The following AGAP1 variants were observed in gnomAD, a reference collection of about 807,000 sequenced individuals.
The protein encoded by AGAP1 is ArfGAP with GTPase domain, ankyrin repeat and PH domain 1.
A neutral mutation model predicts 105.3 loss-of-function variants in AGAP1; 29 were observed. That is an observed-to-expected ratio of 0.28 (90% CI 0.21 to 0.38). The LOEUF (loss-of-function observed/expected upper bound fraction) is 0.38, where lower values mean the gene tolerates loss of function less well. Among genes scored for constraint, AGAP1 ranks in the 10% least tolerant of loss-of-function variants. The probability of loss-of-function intolerance (pLI) is 1.00; values close to 1 mark genes in which losing one functional copy is unlikely to be tolerated. For synonymous variants in AGAP1, 509 were observed against 485.9 expected (o/e 1.05, Z -0.63); for missense variants, 998 against 1,165.1 (o/e 0.86, Z 2.09).
chr2:235,886,146 T>C (rs2124858076), intron 10 of AGAP1, among the ~76,000 whole-genome samples: 1 of 152,332 alleles, frequency 6.6e-6, no homozygotes, highest in South Asian at 2.1e-4. Flanking sequence ...CCATCAGCAG[T>C]GGCCGGGCTG....
At position 235,600,014 on chromosome 2, in the gene AGAP1, T is replaced by C. The variant is rs1184313023; in HGVS notation, c.163+105165T>C. 6.6e-6 allele frequency among the ~76,000 whole-genome samples: 1 copy of C among 152,210 alleles called. No homozygotes were observed. The highest frequency in any genetic ancestry group is 1.9e-4 in the East Asian group (1 of 5,202). On this transcript the variant is annotated intron_variant, in intron 1 of 17. Coordinates refer to ENST00000304032, the MANE Select transcript of AGAP1 (RefSeq NM_001037131.3). The surrounding 1 kb of genome is among the most constrained non-coding windows in gnomAD (Gnocchi z 4.8). The stretch of plus-strand genomic sequence containing the variant: ...ACTTTAAAGATGAGTAGGTGCAAAC[T>C]GCAGCCACAGTAAACTTCAGGGTGT...
At position 235,622,440 on chromosome 2, in the gene AGAP1, T is replaced by C. The variant is rs1223811828; in HGVS notation, c.164-86739T>C. 6.6e-6 allele frequency among the ~76,000 whole-genome samples: 1 copy of C among 152,156 alleles called. No homozygotes were observed. Among genetic ancestry groups the C allele is most frequent in the African/African-American group, 2.4e-5 (1 of 41,426 alleles). ...CCATCTCACTGGGGTGATGAATGGA[T>C]CTAGACCTGGTGCCTGGACTCAATC... On this transcript the variant is annotated intron_variant, in intron 1 of 17. Coordinates refer to ENST00000304032, the MANE Select transcript of AGAP1 (RefSeq NM_001037131.3). This position sits in a 1 kb window ranked among gnomAD's most constrained non-coding sequence, Gnocchi z 5.0.
chr2:235,957,851 C>T lies in AGAP1; in HGVS notation c.1484-10611C>T, dbSNP rs2054013675. ...TCTTGAGTTCACAGGGGGCTTCAGC[C>T]CTCAACTGATTTCCTCTCCTGGCAC... On this transcript the variant is annotated intron_variant, in intron 12 of 17. Transcript: ENST00000304032. This position sits in a 1 kb window ranked among gnomAD's most constrained non-coding sequence, Gnocchi z 4.6. 6.6e-6 allele frequency among the ~76,000 whole-genome samples: 1 copy of T among 152,116 alleles called. No homozygotes were observed. Among genetic ancestry groups the T allele is most frequent in the African/African-American group, 2.4e-5 (1 of 41,404 alleles).
intron 16 of AGAP1, among the ~76,000 whole-genome samples, chr2:236,111,905 CAGTT>C (rs1024264264): frequency 2.2e-4 from 34 of 152,228 alleles, no homozygotes; most frequent in African/African-American, 6.5e-4. Context: ...TAAACCATCA[CAGTT>C]GGTTGTTGCC....
chr2:235,883,303 T>A lies in AGAP1; in HGVS notation c.1051-42T>A, dbSNP rs2050121482. 1.3e-6 allele frequency: 2 copies of A among 1,579,808 alleles called. No individual in the cohort carries two copies. Among genetic ancestry groups the A allele is most frequent in the Non-Finnish European group, 8.7e-7 (1 of 1,151,970 alleles). On this transcript the variant is annotated intron_variant, in intron 9 of 17. Coordinates refer to ENST00000304032, the MANE Select transcript of AGAP1 (RefSeq NM_001037131.3). This position sits in a 1 kb window ranked among gnomAD's most constrained non-coding sequence, Gnocchi z 4.5. The stretch of plus-strand genomic sequence containing the variant: ...CTGTGTACCTGCCTTTTCTTTTTTT[T>A]ATTTACATTAGAATTTCTATTTGGC...
chr2:235,868,627 A>G (rs1422429466), intron 9 of AGAP1, among the ~76,000 whole-genome samples: 1 of 152,176 alleles, frequency 6.6e-6, no homozygotes, highest in South Asian at 2.1e-4. Flanking sequence ...CCTGGTTAAG[A>G]CCCCCAGTCT....
Position 235,714,712 on chromosome 2 carries a change from G to A in AGAP1, c.223-2845G>A, listed in dbSNP as rs1951012690. 6.6e-6 allele frequency among the ~76,000 whole-genome samples: 1 copy of A among 152,126 alleles called. No homozygotes were observed. The highest frequency in any genetic ancestry group is 2.1e-4 in the South Asian group (1 of 4,822). ...GCCATCACTCAGACAGCAGACCACG[G>A]TGGCCTGTAAATCACTGAGAACCTT... On this transcript the variant is annotated intron_variant, in intron 2 of 17. Transcript: ENST00000304032. This position sits in a 1 kb window ranked among gnomAD's most constrained non-coding sequence, Gnocchi z 4.1.
rs570938201 is a variant in AGAP1, at chr2:235,908,323, G to A, written c.1156-415G>A. On this transcript the variant is annotated intron_variant, in intron 10 of 17. Coordinates refer to ENST00000304032, the MANE Select transcript of AGAP1 (RefSeq NM_001037131.3). The surrounding 1 kb of genome is among the most constrained non-coding windows in gnomAD (Gnocchi z 4.4). Reference sequence around the variant, plus strand: ...GCTTCAGTCTTATCTAGATTTTAATGATATTCCCATCTGAGACAGAAAGGT... The same window carrying A: ...GCTTCAGTCTTATCTAGATTTTAATAATATTCCCATCTGAGACAGAAAGGT... Among the ~76,000 whole-genome samples the A allele has an allele frequency of 6.6e-6, 1 of 152,280 alleles. No homozygotes were observed. Among genetic ancestry groups the A allele is most frequent in the African/African-American group, 2.4e-5 (1 of 41,550 alleles).
In AGAP1 at chr2:235,744,673, T is replaced by A; in HGVS notation, c.397-25T>A. On this transcript the variant is annotated intron_variant, in intron 4 of 17. Coordinates refer to ENST00000304032, the MANE Select transcript of AGAP1 (RefSeq NM_001037131.3). The surrounding 1 kb of genome is among the most constrained non-coding windows in gnomAD (Gnocchi z 5.2). ...TCAAGCCTGCTCACTCAGCTCCTGC[T>A]CTCCTCCCCTTCTTCTCTCCCTAGT... 6.2e-7 allele frequency: 1 copy of A among 1,613,816 alleles called. No individual in the cohort carries two copies. The highest frequency in any genetic ancestry group is 8.5e-7 in the Non-Finnish European group (1 of 1,179,882).
intron 16 of AGAP1, among the ~76,000 whole-genome samples, chr2:236,108,128 G>T (rs533839661): frequency 6.6e-6 from 1 of 152,158 alleles, no homozygotes; most frequent in Non-Finnish European, 1.5e-5. Context: ...GCTGTGCTCC[G>T]TCCCTCCGCC....
intron 1 of AGAP1, among the ~76,000 whole-genome samples, chr2:235,547,401 C>CAGAGCG (rs1943661287): frequency 6.6e-6 from 1 of 150,906 alleles, no homozygotes; most frequent in Non-Finnish European, 1.5e-5. Flanking sequence ...CTCTGTCACC[C>CAGAGCG]AGACTGGAGT....
At chr2:235,834,686 G>T (rs1959908253) in intron 9 of AGAP1, among the ~76,000 whole-genome samples, 1 of 152,224 alleles carries the variant, frequency 6.6e-6, no homozygotes, top group African/African-American at 2.4e-5. Context: ...TCCCTGCGAG[G>T]TCCCCGTGAG....
At position 236,027,106 on chromosome 2, in the gene AGAP1, G is replaced by C. The variant is rs1253582840; in HGVS notation, c.1646-9455G>C. 6.6e-6 allele frequency among the ~76,000 whole-genome samples: 1 copy of C among 152,120 alleles called. No homozygotes were observed. The highest frequency in any genetic ancestry group is 2.4e-5 in the African/African-American group (1 of 41,426). ...TTATGGATAAACAGATTTCTTCCTGGAAGTTGTAACATGACTATGCAGTTG... is the reference window on the plus strand; with the variant it reads ...TTATGGATAAACAGATTTCTTCCTGCAAGTTGTAACATGACTATGCAGTTG... On this transcript the variant is annotated intron_variant, in intron 13 of 17. Transcript: ENST00000304032. This position sits in a 1 kb window ranked among gnomAD's most constrained non-coding sequence, Gnocchi z 4.4.
At position 235,599,080 on chromosome 2, in the gene AGAP1, C is replaced by T. The variant is rs1190514378; in HGVS notation, c.163+104231C>T. Among the ~76,000 whole-genome samples, 1 of 152,142 alleles carries T rather than the reference C, an allele frequency of 6.6e-6. No individual in the cohort carries two copies. Among genetic ancestry groups the T allele is most frequent in the Non-Finnish European group, 1.5e-5 (1 of 68,034 alleles). ...AGGAATGTATTTATTTACTCGCATGCCTTCAGATGCTTGCAGTAAGTCCAT... is the reference window on the plus strand; with the variant it reads ...AGGAATGTATTTATTTACTCGCATGTCTTCAGATGCTTGCAGTAAGTCCAT... On this transcript the variant is annotated intron_variant, in intron 1 of 17. Transcript: ENST00000304032. This position sits in a 1 kb window ranked among gnomAD's most constrained non-coding sequence, Gnocchi z 5.3.
chr2:235,940,639 A>G (rs2053217739), intron 12 of AGAP1, among the ~76,000 whole-genome samples: 1 of 152,176 alleles, frequency 6.6e-6, no homozygotes, highest in African/African-American at 2.4e-5. Context: ...CTCAGCATGT[A>G]TTGTGGCCTG....
rs2058551105 is a variant in AGAP1 at position 236,073,202 on chromosome 2, GGC to G, written c.2114+23922_2114+23923del. Among the ~76,000 whole-genome samples, 1 of 151,954 alleles carries G rather than the reference GGC, an allele frequency of 6.6e-6. No individual in the cohort carries two copies. The highest frequency in any genetic ancestry group is 2.1e-4 in the South Asian group (1 of 4,812). On this transcript the variant is annotated intron_variant, in intron 16 of 17. Transcript: ENST00000304032. This position sits in a 1 kb window ranked among gnomAD's most constrained non-coding sequence, Gnocchi z 5.4. ...AGTAGAGACGGGGTTTCTCCATATT[GGC>G]CAGGCTGGTCTCGAACTCCTGACCT...
rs1952273528 is a variant in AGAP1, at chr2:235,736,680, C to T, written c.311-4283C>T. On this transcript the variant is annotated intron_variant, in intron 3 of 17. Coordinates refer to ENST00000304032, the MANE Select transcript of AGAP1 (RefSeq NM_001037131.3). This position sits in a 1 kb window ranked among gnomAD's most constrained non-coding sequence, Gnocchi z 5.5. ...GACCAGCCTGGGCAACACAATGAGGCCCCATCTCATCTATCCAGGTGTGGC... is the reference window on the plus strand; with the variant it reads ...GACCAGCCTGGGCAACACAATGAGGTCCCATCTCATCTATCCAGGTGTGGC... Among the ~76,000 whole-genome samples, 1 of 152,052 alleles carries T rather than the reference C, an allele frequency of 6.6e-6. No individual in the cohort carries two copies. The highest frequency in any genetic ancestry group is 2.4e-5 in the African/African-American group (1 of 41,412).
Position 235,751,279 on chromosome 2 carries a change from G to C in AGAP1, c.673+791G>C, listed in dbSNP as rs189748050. Among the ~76,000 whole-genome samples, 320 of 152,312 alleles carry C rather than the reference G, an allele frequency of 2.1e-3. 2 individuals are homozygous for C. The South Asian group carries it at 0.031, about 15-fold the overall frequency. ...GTCTTTTCAAGTTGGAAGCTTGGGAGAGGCATGGTTCTGGCAGAGGGTCCC... is the reference window on the plus strand; with the variant it reads ...GTCTTTTCAAGTTGGAAGCTTGGGACAGGCATGGTTCTGGCAGAGGGTCCC... On this transcript the variant is annotated intron_variant, in intron 6 of 17. Transcript: ENST00000304032. The surrounding 1 kb of genome is among the most constrained non-coding windows in gnomAD (Gnocchi z 5.3).
chr2:235,943,040 G>A lies in AGAP1; in HGVS notation c.1483+12117G>A, dbSNP rs938486075. Among the ~76,000 whole-genome samples, 6 of 152,158 alleles carry A rather than the reference G, an allele frequency of 3.9e-5. No individual in the cohort carries two copies. The South Asian group carries it at 1.0e-3, about 26-fold the overall frequency. On this transcript the variant is annotated intron_variant, in intron 12 of 17. Transcript: ENST00000304032. The stretch of plus-strand genomic sequence containing the variant: ...AATATATGTGCTGCTTCTCCAACTG[G>A]AAATAAAACTTTGTGATGTTTTGTG...
Sources: gnomAD v4.1 joint callset for allele counts (sites outside exome capture counted in the v4.1 genomes callset) on GRCh38, gnomAD v4.1.1 for gene constraint, Gnocchi (gnomAD v3.1) non-coding constraint, MANE v1.5 for transcripts, NCBI Gene and HGNC (gene_info 2026-07-23, HGNC 2026-07-21) for gene names.